Variants in JMJD1C observed in about 807,000 individuals in gnomAD.
JMJD1C encodes the protein jumonji domain-containing protein 1C.
A neutral mutation model predicts 245.3 loss-of-function variants in JMJD1C; 31 were observed. The observed-to-expected ratio is 0.13, with a 90% CI of 0.09 to 0.17. JMJD1C has a LOEUF of 0.17. Ranked by LOEUF, JMJD1C falls within the 10% of genes least tolerant of loss-of-function variation. The pLI is 1.00. For missense variants in JMJD1C, 2,691 were observed against 3,000.2 expected, an observed-to-expected ratio of 0.90 and a Z score of 2.41; for synonymous variants, 1,057 against 1,017.4, an observed-to-expected ratio of 1.04 and a Z score of -0.74.
At chr10:63,405,865 A>G (rs143927223) in intron 1 of JMJD1C, among the ~76,000 whole-genome samples, 1 of 152,292 alleles carries the variant, frequency 6.6e-6, no homozygotes, top group African/African-American at 2.4e-5. Flanking sequence ...GAGTAAAACA[A>G]TGAGGCTACA....
At chr10:63,258,904 CATG>C (rs1404621401) in intron 3 of JMJD1C, among the ~76,000 whole-genome samples, 1 of 152,126 alleles carries the variant, frequency 6.6e-6, no homozygotes, top group Non-Finnish European at 1.5e-5. Flanking sequence ...AGAGCAGTGA[CATG>C]ATACCACGAA....
intron 2 of JMJD1C, among the ~76,000 whole-genome samples, chr10:63,280,041 C>T (rs1322424733): frequency 6.6e-6 from 1 of 151,776 alleles, no homozygotes; most frequent in African/African-American, 2.4e-5. Context: ...GTCCCAGCTA[C>T]TCAGGAGGCT....
chr10:63,375,458 A>G (rs1410882282), intron 2 of JMJD1C, among the ~76,000 whole-genome samples: 1 of 152,134 alleles, frequency 6.6e-6, no homozygotes, highest in Non-Finnish European at 1.5e-5. Context: ...AAACTACAAA[A>G]CATAACTGAG....
At chr10:63,373,346 G>A (rs12260434) in intron 2 of JMJD1C, among the ~76,000 whole-genome samples, 5 of 151,978 alleles carry the variant, frequency 3.3e-5, no homozygotes, top group Non-Finnish European at 7.4e-5. Flanking sequence ...TCCAGAGAAG[G>A]AGCCTGGGTA....
intron 1 of JMJD1C, among the ~76,000 whole-genome samples, chr10:63,444,481 C>G (rs1376785927): frequency 6.6e-6 from 1 of 152,108 alleles, no homozygotes; most frequent in Non-Finnish European, 1.5e-5. Context: ...ACCATGTTGG[C>G]CAGGCTGGTC....
chr10:63,391,636 C>T (rs1287801950), intron 1 of JMJD1C, among the ~76,000 whole-genome samples: 3 of 152,070 alleles, frequency 2.0e-5, no homozygotes, highest in Non-Finnish European at 4.4e-5. Flanking sequence ...AACTACAAAA[C>T]AGATGAATGA....
At chr10:63,349,723 A>G (rs546615206) in intron 2 of JMJD1C, among the ~76,000 whole-genome samples, 18 of 152,314 alleles carry the variant, frequency 1.2e-4, no homozygotes, top group African/African-American at 4.1e-4. Context: ...TAGGTGGGGG[A>G]AAAGTATGAA....
intron 1 of JMJD1C, among the ~76,000 whole-genome samples, chr10:63,508,829 T>C (rs1471595852): frequency 6.6e-6 from 1 of 152,216 alleles, no homozygotes; most frequent in Non-Finnish European, 1.5e-5. Flanking sequence ...GTTCCAGAAG[T>C]AATTTTCTTG....
intron 1 of JMJD1C, among the ~76,000 whole-genome samples, chr10:63,409,730 T>C (rs955186873): frequency 3.3e-5 from 5 of 152,176 alleles, no homozygotes; most frequent in African/African-American, 9.7e-5. Context: ...AACTGGCATG[T>C]ATCTGTTTGT....
chr10:63,316,674 C>T (rs1940106164), intron 2 of JMJD1C, among the ~76,000 whole-genome samples: 1 of 152,184 alleles, frequency 6.6e-6, no homozygotes, highest in Non-Finnish European at 1.5e-5. Flanking sequence ...TCTTGAACTC[C>T]TGACCTCAGG....
At position 63,452,921 on chromosome 10, in the gene JMJD1C, A is replaced by G. The variant is rs188989065; in HGVS notation, c.168+12574T>C. Reference sequence around the variant, plus strand: ...TGGGATGATAAACTTCTGACAATGGATAGTACTGATAATTTCAAAATATTG... The same window carrying G: ...TGGGATGATAAACTTCTGACAATGGGTAGTACTGATAATTTCAAAATATTG... On this transcript the variant is annotated intron_variant, in intron 1 of 25. Transcript: ENST00000399262. Among the ~76,000 whole-genome samples, 308 of 152,268 alleles carry G rather than the reference A, an allele frequency of 2.0e-3. 1 individual carries two copies. Among genetic ancestry groups the G allele is most frequent in the African/African-American group, 7.1e-3 (293 of 41,556 alleles).
intron 1 of JMJD1C, among the ~76,000 whole-genome samples, chr10:63,486,926 T>C (rs1954018678): frequency 1.3e-5 from 2 of 152,196 alleles, no homozygotes; most frequent in African/African-American, 4.8e-5. Flanking sequence ...TTAACAGTAA[T>C]GATACGGATG....
intron 2 of JMJD1C, among the ~76,000 whole-genome samples, chr10:63,355,450 C>A (rs1944753255): frequency 2.0e-5 from 3 of 152,148 alleles, no homozygotes; most frequent in Admixed American, 2.0e-4. Flanking sequence ...ACATCATGAC[C>A]ACAACCATAA....
chr10:63,337,288 A>G (rs1019962597), intron 2 of JMJD1C, among the ~76,000 whole-genome samples: 2 of 150,998 alleles, frequency 1.3e-5, no homozygotes, highest in Non-Finnish European at 2.9e-5. Context: ...CTGAAAATAT[A>G]AAAATTAGCC....
intron 1 of JMJD1C, among the ~76,000 whole-genome samples, chr10:63,418,992 G>A (rs1056536679): frequency 1.2e-4 from 18 of 150,628 alleles, no homozygotes; most frequent in Admixed American, 1.0e-3. Flanking sequence ...CAGGAGAATC[G>A]CCTGAACCCA....
intron 2 of JMJD1C, among the ~76,000 whole-genome samples, chr10:63,274,353 C>T (rs1856590011): frequency 6.6e-6 from 1 of 152,080 alleles, no homozygotes; most frequent in Non-Finnish European, 1.5e-5. Context: ...TCACTTGAGC[C>T]CACGAGTTTA....
intron 20 of JMJD1C, 28 bp downstream of exon 20, chr10:63,185,535 T>A (rs370959235): frequency 1.8e-4 from 243 of 1,320,368 alleles, no homozygotes; most frequent in Admixed American, 4.0e-4. Flanking sequence ...TCTCAAAAAG[T>A]CAAGAGTCAA....
At chr10:63,494,918 A>G (rs542126636) in intron 1 of JMJD1C, among the ~76,000 whole-genome samples, 5 of 152,316 alleles carry the variant, frequency 3.3e-5, no homozygotes, top group Non-Finnish European at 5.9e-5. Flanking sequence ...GCTGAGGTCA[A>G]GTACCTTGAG....
chr10:63,371,362 G>A (rs1946305769), intron 2 of JMJD1C, among the ~76,000 whole-genome samples: 1 of 152,040 alleles, frequency 6.6e-6, no homozygotes, highest in Non-Finnish European at 1.5e-5. Flanking sequence ...TTTTCCTAAA[G>A]TATGTACAAT....
Sources: gnomAD v4.1 joint callset for allele counts (sites outside exome capture counted in the v4.1 genomes callset) on GRCh38, gnomAD v4.1.1 for gene constraint, MANE v1.5 for transcripts, NCBI Gene and HGNC (gene_info 2026-07-23, HGNC 2026-07-21) for gene names.